Variants in ANKS1B observed in about 807,000 individuals in gnomAD.
The protein encoded by ANKS1B is ankyrin repeat and sterile alpha motif domain containing 1B.
In ANKS1B, 36 loss-of-function variants were observed where a neutral mutation model predicts 148.3. The observed-to-expected ratio is 0.24, with a 90% confidence interval of 0.19 to 0.32. The LOEUF (loss-of-function observed/expected upper bound fraction) is 0.32. Among genes scored for constraint, ANKS1B ranks in the 10% least tolerant of loss-of-function variants. The pLI is 1.00. For synonymous variants in ANKS1B, 542 were observed against 560.8 expected (o/e 0.97, Z 0.47); for missense variants, 1,157 against 1,542.6 (o/e 0.75, Z 4.19).
intron 8 of ANKS1B, among the ~76,000 whole-genome samples, chr12:99,701,905 G>A (rs2054891474): frequency 6.6e-6 from 1 of 152,088 alleles, no homozygotes; most frequent in Admixed American, 6.6e-5. Flanking sequence ...ACTCCATCAT[G>A]TATATGTGCC....
At chr12:99,386,535 C>T (rs987102272) in intron 12 of ANKS1B, among the ~76,000 whole-genome samples, 1 of 151,564 alleles carries the variant, frequency 6.6e-6, no homozygotes, top group Non-Finnish European at 1.5e-5. Context: ...CGTGAAAGAA[C>T]AGGGATCACT....
intron 8 of ANKS1B, among the ~76,000 whole-genome samples, chr12:99,700,810 G>T (rs1182529439): frequency 2.0e-5 from 3 of 152,130 alleles, no homozygotes; most frequent in African/African-American, 4.8e-5. Flanking sequence ...ATATGCTAGA[G>T]AATTTATGTT....
Position 99,477,736 on chromosome 12 carries a change from T to C in ANKS1B, c.1438+26740A>G, listed in dbSNP as rs368489201. Among the ~76,000 whole-genome samples, 6 of 152,262 alleles carry C rather than the reference T, an allele frequency of 3.9e-5. No individual in the cohort carries two copies. In the East Asian group the frequency reaches 1.2e-3, roughly 29 times the overall value. On this transcript the variant is annotated intron_variant, in intron 10 of 26. Coordinates refer to ENST00000683438, the MANE Select transcript of ANKS1B (RefSeq NM_001352186.2). The stretch of plus-strand genomic sequence containing the variant: ...CCTTTCACTAAGGTATACAAACATT[T>C]ATCATCCAAACTGGGAAACTTTTGA...
chr12:99,702,261 C>T (rs539603346), intron 8 of ANKS1B, among the ~76,000 whole-genome samples: 2 of 151,990 alleles, frequency 1.3e-5, no homozygotes, highest in Admixed American at 6.6e-5. Flanking sequence ...TATCTCATTG[C>T]GGATTTATTT....
intron 12 of ANKS1B, among the ~76,000 whole-genome samples, chr12:99,375,772 G>A (rs2093364849): frequency 6.6e-6 from 1 of 152,078 alleles, no homozygotes; most frequent in African/African-American, 2.4e-5. Flanking sequence ...AATGACTGGA[G>A]TAATGTTGCT....
chr12:99,000,709 A>G (rs781501990), intron 17 of ANKS1B, among the ~76,000 whole-genome samples: 1 of 152,208 alleles, frequency 6.6e-6, no homozygotes, highest in South Asian at 2.1e-4. Flanking sequence ...GAATTTATTC[A>G]TCTTGCATAA....
At chr12:99,428,534 C>T (rs530186994) in intron 11 of ANKS1B, among the ~76,000 whole-genome samples, 3 of 152,208 alleles carry the variant, frequency 2.0e-5, no homozygotes, top group East Asian at 1.9e-4. Context: ...TTGTTTAGAT[C>T]GAAATCACAT....
At chr12:99,014,868 C>A in intron 17 of ANKS1B, among the ~76,000 whole-genome samples, 1 of 152,122 alleles carries the variant, frequency 6.6e-6, no homozygotes, top group Non-Finnish European at 1.5e-5. Context: ...TAAAAAATAA[C>A]AGATGCTGGT....
At chr12:99,329,253 A>C (rs2152264901) in intron 12 of ANKS1B, among the ~76,000 whole-genome samples, 1 of 152,066 alleles carries the variant, frequency 6.6e-6, no homozygotes, top group East Asian at 1.9e-4. Flanking sequence ...ATGTTGTCAG[A>C]ATTCTTCTTT....
intron 1 of ANKS1B, among the ~76,000 whole-genome samples, chr12:99,919,582 C>G (rs1565998496): frequency 6.6e-6 from 1 of 151,986 alleles, no homozygotes; most frequent in Non-Finnish European, 1.5e-5. Context: ...GTAGACCCAG[C>G]CATAGGAAAG....
At chr12:98,763,502 G>A (rs559360082) in intron 25 of ANKS1B, among the ~76,000 whole-genome samples, 2 of 152,298 alleles carry the variant, frequency 1.3e-5, no homozygotes, top group East Asian at 1.9e-4. Flanking sequence ...AAAGAGCCAC[G>A]AGATTCCTTT....
chr12:99,568,830 A>G (rs989640064), intron 9 of ANKS1B, among the ~76,000 whole-genome samples: 1 of 152,246 alleles, frequency 6.6e-6, no homozygotes, highest in Non-Finnish European at 1.5e-5. Context: ...GAAAGCACAC[A>G]GTGGCTTTCC....
At chr12:98,756,680 T>C (rs1422298195) in intron 25 of ANKS1B, among the ~76,000 whole-genome samples, 1 of 150,136 alleles carries the variant, frequency 6.7e-6, no homozygotes, top group Non-Finnish European at 1.5e-5. Context: ...GAACCGAGGT[T>C]GTGTGACTGC....
intron 8 of ANKS1B, among the ~76,000 whole-genome samples, chr12:99,669,994 T>G (rs562421388): frequency 2.9e-4 from 44 of 152,192 alleles, no homozygotes; most frequent in Non-Finnish European, 1.8e-4. Context: ...TGATCATGAA[T>G]GTTTGACATA....
At chr12:99,049,563 A>T (rs1490800561) in intron 17 of ANKS1B, among the ~76,000 whole-genome samples, 1 of 152,192 alleles carries the variant, frequency 6.6e-6, no homozygotes, top group African/African-American at 2.4e-5. Context: ...ATCTCTTAGC[A>T]CATCTCCAAG....
intron 17 of ANKS1B, among the ~76,000 whole-genome samples, chr12:98,913,950 AG>A (rs2099790450): frequency 6.6e-6 from 1 of 152,170 alleles, no homozygotes; most frequent in Non-Finnish European, 1.5e-5. Context: ...TATGTCAGTT[AG>A]GGGTATATCC....
intron 17 of ANKS1B, among the ~76,000 whole-genome samples, chr12:98,903,566 G>T (rs2099775032): frequency 6.6e-6 from 1 of 152,258 alleles, no homozygotes; most frequent in African/African-American, 2.4e-5. Flanking sequence ...AGCCAGCGCA[G>T]AGAAAAGCAG....
At chr12:99,706,860 A>G (rs1474521979) in intron 8 of ANKS1B, among the ~76,000 whole-genome samples, 1 of 152,048 alleles carries the variant, frequency 6.6e-6, no homozygotes, top group African/African-American at 2.4e-5. Flanking sequence ...GGGGTCCTCC[A>G]TTGACAAACC....
chr12:99,687,043 T>C (rs1473779203), intron 8 of ANKS1B, among the ~76,000 whole-genome samples: 2 of 152,194 alleles, frequency 1.3e-5, no homozygotes, highest in Non-Finnish European at 2.9e-5. Context: ...GTGAATTCTG[T>C]CTGTGTTTGT....
Sources: allele counts gnomAD v4.1 joint callset (sites outside exome capture counted in the v4.1 genomes callset), GRCh38; gene constraint gnomAD v4.1.1; transcripts MANE v1.5; gene names NCBI Gene and HGNC (gene_info 2026-07-23, HGNC 2026-07-21).